The following CDH13 variants were observed in gnomAD, a reference collection of about 807,000 sequenced individuals.
The protein encoded by CDH13 is cadherin-13.
CDH13 carries 24 observed loss-of-function variants against 63.8 expected under a neutral mutation model. The observed-to-expected ratio is 0.38, with a 90% CI of 0.27 to 0.53. The LOEUF is 0.53. CDH13 is among the 20% of genes least tolerant of loss of function. The pLI is 0.85. For missense variants in CDH13, 1,049 were observed against 903.1 expected, an observed-to-expected ratio of 1.16 and a Z score of -2.07; for synonymous variants, 503 against 355.3, an observed-to-expected ratio of 1.42 and a Z score of -4.67.
chr16:83,404,675 G>A (rs2092015648), intron 6 of CDH13, among the ~76,000 whole-genome samples: 2 of 152,148 alleles, frequency 1.3e-5, no homozygotes, highest in South Asian at 4.1e-4. Flanking sequence ...TTCCTCCTAT[G>A]TGCCTAAATC....
At chr16:83,680,389 C>T (rs1915310031) in intron 10 of CDH13, among the ~76,000 whole-genome samples, 1 of 152,158 alleles carries the variant, frequency 6.6e-6, no homozygotes, top group Non-Finnish European at 1.5e-5. Context: ...GGATGAACAT[C>T]CTGTCTGGCA....
chr16:83,371,975 C>T (rs978415120), intron 6 of CDH13, among the ~76,000 whole-genome samples: 4 of 152,178 alleles, frequency 2.6e-5, no homozygotes, highest in African/African-American at 9.7e-5. Context: ...ATAGGGATAC[C>T]TTTGGGGAAA....
intron 1 of CDH13, among the ~76,000 whole-genome samples, chr16:82,633,432 T>C (rs1908268952): frequency 2.0e-5 from 3 of 152,178 alleles, no homozygotes. Flanking sequence ...CAAGCCGGAG[T>C]GCGGTGGCGC....
chr16:83,673,048 C>T (rs528386524), intron 9 of CDH13, among the ~76,000 whole-genome samples: 1 of 152,248 alleles, frequency 6.6e-6, no homozygotes, highest in East Asian at 1.9e-4. Context: ...CTGCTAGTCC[C>T]CATGAATAAT....
intron 8 of CDH13, among the ~76,000 whole-genome samples, chr16:83,645,207 A>T (rs1489049488): frequency 6.6e-6 from 1 of 152,210 alleles, no homozygotes; most frequent in Non-Finnish European, 1.5e-5. Context: ...GTGAAATACT[A>T]TGCAGCCATA....
chr16:83,148,485 C>A (rs1022220100), intron 4 of CDH13, among the ~76,000 whole-genome samples: 4 of 152,288 alleles, frequency 2.6e-5, no homozygotes, highest in Admixed American at 2.0e-4. Context: ...CCAGCCCTGC[C>A]ATTCACCAGC....
intron 3 of CDH13, among the ~76,000 whole-genome samples, chr16:83,074,598 C>T (rs1370522973): frequency 6.6e-6 from 1 of 152,138 alleles, no homozygotes; most frequent in African/African-American, 2.4e-5. Flanking sequence ...AATGGCTATA[C>T]TAATTTACTT....
chr16:83,002,903 C>T (rs150019207), intron 2 of CDH13, among the ~76,000 whole-genome samples: 1 of 152,200 alleles, frequency 6.6e-6, no homozygotes, highest in Non-Finnish European at 1.5e-5. Flanking sequence ...GCTTTTACTT[C>T]AATTTACCCA....
At chr16:82,823,915 AC>A (rs747066016) in intron 1 of CDH13, 8 of 152,166 alleles carry the variant, frequency 5.3e-5, no homozygotes, top group Non-Finnish European at 8.8e-5. Flanking sequence ...AGCCCTAGAA[AC>A]AGTGACCAAC....
At chr16:83,232,056 G>C (rs2040010787) in intron 5 of CDH13, among the ~76,000 whole-genome samples, 1 of 152,096 alleles carries the variant, frequency 6.6e-6, no homozygotes, top group African/African-American at 2.4e-5. Context: ...TCAGAGGGTA[G>C]AGGGTAGGAG....
chr16:83,256,626 T>C (rs562559907), intron 5 of CDH13, among the ~76,000 whole-genome samples: 2 of 141,580 alleles, frequency 1.4e-5, no homozygotes, highest in Admixed American at 1.5e-4. Flanking sequence ...GGTCAGGAGA[T>C]GGAGGCCATC....
At chr16:83,113,749 G>A (rs781613506) in intron 3 of CDH13, among the ~76,000 whole-genome samples, 3 of 152,114 alleles carry the variant, frequency 2.0e-5, no homozygotes, top group Non-Finnish European at 2.9e-5. Context: ...GGGGAGGGAC[G>A]GGAAGGGAAG....
intron 1 of CDH13, among the ~76,000 whole-genome samples, chr16:82,816,510 G>A (rs914055734): frequency 6.6e-6 from 1 of 152,128 alleles, no homozygotes; most frequent in Admixed American, 6.6e-5. Flanking sequence ...AGTGTGGGTG[G>A]AGAAGGCCTC....
At chr16:83,610,090 G>A (rs1473584805) in intron 8 of CDH13, among the ~76,000 whole-genome samples, 1 of 152,126 alleles carries the variant, frequency 6.6e-6, no homozygotes, top group Non-Finnish European at 1.5e-5. Context: ...CCATTCCATG[G>A]TTATACCACA....
chr16:83,492,495 AT>A (rs548219069), intron 7 of CDH13, among the ~76,000 whole-genome samples: 134 of 152,112 alleles, frequency 8.8e-4, no homozygotes, highest in African/African-American at 2.8e-3. Flanking sequence ...AATTTTCCCC[AT>A]TTTTTTTATC....
intron 1 of CDH13, among the ~76,000 whole-genome samples, chr16:82,716,973 C>T (rs1396082147): frequency 6.6e-6 from 1 of 151,996 alleles, no homozygotes; most frequent in African/African-American, 2.4e-5. Context: ...GAGATTCCTT[C>T]GTCCAGACAG....
chr16:82,692,230 A>G (rs1915713655), intron 1 of CDH13, among the ~76,000 whole-genome samples: 1 of 152,232 alleles, frequency 6.6e-6, no homozygotes, highest in South Asian at 2.1e-4. Context: ...CTTCTATGTT[A>G]TTAGGCTCAA....
intron 1 of CDH13, among the ~76,000 whole-genome samples, chr16:82,684,649 C>G (rs1368609168): frequency 6.6e-6 from 1 of 151,996 alleles, no homozygotes; most frequent in South Asian, 2.1e-4. Context: ...TACCTGGAGT[C>G]TCTACTGGTT....
chr16:83,166,828 G>C (rs1006851306), intron 4 of CDH13, among the ~76,000 whole-genome samples: 4 of 152,170 alleles, frequency 2.6e-5, no homozygotes, highest in Non-Finnish European at 5.9e-5. Context: ...GCATTATTAT[G>C]AAGCAAGGAC....
Sources: allele counts gnomAD v4.1 joint callset (sites outside exome capture counted in the v4.1 genomes callset), GRCh38; gene constraint gnomAD v4.1.1; transcripts MANE v1.5; gene names NCBI Gene and HGNC (gene_info 2026-07-23, HGNC 2026-07-21).